Variants in RAB38 observed in about 807,000 individuals in gnomAD.
The protein encoded by RAB38 is RAB38, member RAS oncogene family.
In RAB38, 15 loss-of-function variants were observed where a neutral mutation model predicts 18.4. That is an observed-to-expected ratio of 0.82 (90% CI 0.55 to 1.26). RAB38 has a LOEUF of 1.26. RAB38 is among the 50% of genes most tolerant of loss of function. The pLI is 0.00. For synonymous variants in RAB38, 101 were observed against 104.4 expected, an observed-to-expected ratio of 0.97 and a Z score of 0.20; for missense variants, 294 against 267.4, an observed-to-expected ratio of 1.10 and a Z score of -0.69.
the RAB38 span, among the ~76,000 whole-genome samples, chr11:88,026,536 C>A: frequency 7.3e-6 from 1 of 136,410 alleles, no homozygotes; most frequent in Non-Finnish European, 1.5e-5. Context: ...GCACTCCAGC[C>A]TGGGCTACAG....
chr11:87,944,247 G>T, the RAB38 span, among the ~76,000 whole-genome samples: 3 of 152,038 alleles, frequency 2.0e-5, no homozygotes, highest in Non-Finnish European at 4.4e-5. Flanking sequence ...CTTGATGCAG[G>T]GTTGCTACAA....
chr11:88,052,901 CAT>C, the RAB38 span, among the ~76,000 whole-genome samples: 783 of 21,374 alleles, frequency 0.037, 5 homozygotes, highest in East Asian at 0.13. Flanking sequence ...GAAAAAATTT[CAT>C]ATATATATAT....
chr11:88,027,623 G>C, the RAB38 span, among the ~76,000 whole-genome samples: 1 of 152,196 alleles, frequency 6.6e-6, no homozygotes, highest in Non-Finnish European at 1.5e-5. Context: ...CTGATTGCTA[G>C]CACAGCAGTC....
the RAB38 span, among the ~76,000 whole-genome samples, chr11:87,919,369 T>G: frequency 6.8e-6 from 1 of 147,866 alleles, no homozygotes; most frequent in African/African-American, 2.6e-5. Flanking sequence ...TTATCATAGT[T>G]TTTTTTTATT....
At chr11:87,969,871 A>C in the RAB38 span, among the ~76,000 whole-genome samples, 1 of 152,136 alleles carries the variant, frequency 6.6e-6, no homozygotes, top group Non-Finnish European at 1.5e-5. Flanking sequence ...TTAAGCTCCT[A>C]TATATACAGC....
chr11:87,887,515 CCT>C, the RAB38 span, among the ~76,000 whole-genome samples: 1 of 151,866 alleles, frequency 6.6e-6, no homozygotes, highest in Non-Finnish European at 1.5e-5. Context: ...GGGTTAAAAC[CCT>C]CTCTTTCTAG....
At chr11:87,944,084 G>T in the RAB38 span, among the ~76,000 whole-genome samples, 4 of 152,070 alleles carry the variant, frequency 2.6e-5, no homozygotes, top group African/African-American at 9.7e-5. Flanking sequence ...GTGTCCCAGT[G>T]CATATGCAAG....
chr11:88,039,877 T>C, the RAB38 span, among the ~76,000 whole-genome samples: 5 of 152,192 alleles, frequency 3.3e-5, no homozygotes, highest in Non-Finnish European at 5.9e-5. Context: ...TTCAGACCAG[T>C]AAAGATGTCT....
the RAB38 span, chr11:87,815,006 T>G: frequency 1.3e-5 from 2 of 152,656 alleles, no homozygotes; most frequent in Non-Finnish European, 2.9e-5. Flanking sequence ...GTGCTGGGAT[T>G]ACAGGCGTGA....
the RAB38 span, among the ~76,000 whole-genome samples, chr11:87,912,174 T>C: frequency 1.3e-5 from 2 of 152,032 alleles, no homozygotes; most frequent in African/African-American, 2.4e-5. Flanking sequence ...TTTTATTTAA[T>C]ATATTAGTCT....
chr11:87,974,243 T>C, the RAB38 span, among the ~76,000 whole-genome samples: 885 of 151,550 alleles, frequency 5.8e-3, 4 homozygotes, highest in Non-Finnish European at 9.2e-3. Flanking sequence ...GAAGCTACAA[T>C]GAGAGAACAT....
the RAB38 span, among the ~76,000 whole-genome samples, chr11:88,018,247 T>G: frequency 6.6e-6 from 1 of 152,146 alleles, no homozygotes; most frequent in African/African-American, 2.4e-5. Context: ...ATACACTTAC[T>G]GCTAGACCTG....
the RAB38 span, among the ~76,000 whole-genome samples, chr11:87,911,913 C>A: frequency 6.6e-6 from 1 of 151,582 alleles, no homozygotes; most frequent in Non-Finnish European, 1.5e-5. Context: ...TGCTGAGAAG[C>A]TTTATTGGGA....
chr11:87,853,400 G>A, the RAB38 span, among the ~76,000 whole-genome samples: 1 of 152,174 alleles, frequency 6.6e-6, no homozygotes, highest in African/African-American at 2.4e-5. Context: ...CACCATGGGA[G>A]AACACAGTGA....
the RAB38 span, among the ~76,000 whole-genome samples, chr11:88,020,800 G>T: frequency 3.3e-5 from 5 of 152,000 alleles, no homozygotes; most frequent in Admixed American, 3.3e-4. Context: ...AGGACTTTTG[G>T]AAATGATAAA....
chr11:88,138,383 A>G (rs1942861263), intron 2 of RAB38, among the ~76,000 whole-genome samples: 1 of 151,782 alleles, frequency 6.6e-6, no homozygotes, highest in Admixed American at 6.6e-5. Context: ...GCAGTGATAG[A>G]ATTTTACTGA....
chr11:87,931,119 A>T, the RAB38 span, among the ~76,000 whole-genome samples: 3 of 152,242 alleles, frequency 2.0e-5, no homozygotes, highest in East Asian at 1.9e-4. Flanking sequence ...TGTTAGCTTG[A>T]TGGGGATGGC....
chr11:88,022,623 A>C, the RAB38 span, among the ~76,000 whole-genome samples: 1 of 150,012 alleles, frequency 6.7e-6, no homozygotes, highest in Non-Finnish European at 1.5e-5. Context: ...AAAAAAAAAA[A>C]AAAAAAAAAC....
the RAB38 span, among the ~76,000 whole-genome samples, chr11:88,045,682 C>T: frequency 1.3e-5 from 2 of 152,156 alleles, no homozygotes; most frequent in South Asian, 2.1e-4. Flanking sequence ...CTGATTGCCT[C>T]GGAAGCTTCC....
Sources: gnomAD v4.1 joint callset for allele counts (sites outside exome capture counted in the v4.1 genomes callset) on GRCh38, gnomAD v4.1.1 for gene constraint, MANE v1.5 for transcripts, NCBI Gene and HGNC (gene_info 2026-07-23, HGNC 2026-07-21) for gene names.